The following EYA4 variants were observed in gnomAD, a reference collection of about 807,000 sequenced individuals.
The protein encoded by EYA4 is protein phosphatase EYA4.
Under a neutral mutation model 87.9 loss-of-function variants are expected in EYA4, and 31 were observed. The observed-to-expected ratio is 0.35, with a 90% confidence interval of 0.27 to 0.48. The LOEUF is 0.48. Among genes scored for constraint, EYA4 ranks in the 20% least tolerant of loss-of-function variants. The pLI is 0.99. For missense variants in EYA4, 678 were observed against 761.4 expected (o/e 0.89, Z 1.29); for synonymous variants, 263 against 270.6 (o/e 0.97, Z 0.28).
At chr6:133,434,450 A>G (rs916563987) in intron 3 of EYA4, among the ~76,000 whole-genome samples, 74 of 152,330 alleles carry the variant, frequency 4.9e-4, no homozygotes, top group African/African-American at 1.6e-3. Context: ...TGAAGGATGC[A>G]CTGTAGGCCA....
At chr6:133,446,852 A>C (rs1792894733) in intron 4 of EYA4, 98 bp downstream of exon 4, 2 of 1,123,650 alleles carry the variant, frequency 1.8e-6, no homozygotes, top group Admixed American at 1.8e-5. Flanking sequence ...TCTTATTATC[A>C]ATAACACAAA....
At chr6:133,274,693 T>A (rs369863452) in intron 1 of EYA4, 23 bp from the exon 2 acceptor site, 20 of 1,105,612 alleles carry the variant, frequency 1.8e-5, no homozygotes, top group Middle Eastern at 2.0e-4. Context: ...TTTTTCCCCT[T>A]TGTTTCCATC....
intron 2 of EYA4, among the ~76,000 whole-genome samples, chr6:133,294,155 T>A (rs1778760194): frequency 6.7e-6 from 1 of 148,374 alleles, no homozygotes; most frequent in Non-Finnish European, 1.5e-5. Context: ...GTGATGATGA[T>A]CATCATCTCA....
chr6:133,285,665 TA>T (rs1176599078), intron 2 of EYA4, among the ~76,000 whole-genome samples: 1 of 152,144 alleles, frequency 6.6e-6, no homozygotes, highest in East Asian at 1.9e-4. Context: ...ATTTTGAAAA[TA>T]GACTATGATG....
In EYA4 at chr6:133,448,113, G is replaced by GA; in HGVS notation, c.215dup (p.Asn72LysfsTer36). 1.9e-6 allele frequency: 3 copies of GA among 1,611,386 alleles called. No individual in the cohort carries two copies. The highest frequency in any genetic ancestry group is 2.5e-6 in the Non-Finnish European group (3 of 1,177,488). On this transcript the variant is annotated frameshift_variant, in exon 5 of 20. Coordinates refer to ENST00000355286, the MANE Select transcript of EYA4 (RefSeq NM_004100.5). LOFTEE classifies it high-confidence loss of function. ...TTTTATACTGTTCCTGTTCTCAGGGGAAAACATGACTGTTTTAAACACAGC... is the reference window on the plus strand; with the variant it reads ...TTTTATACTGTTCCTGTTCTCAGGGGAAAAACATGACTGTTTTAAACACAGC...
rs549378321 is a variant in EYA4 at position 133,372,673 on chromosome 6, T to C, written c.34-9719T>C. Reference sequence around the variant, plus strand: ...TAAATGTTGCTATTTTAATGGAAGATCAAGAAGATAAAATCTGTAAAATTC... The same window carrying C: ...TAAATGTTGCTATTTTAATGGAAGACCAAGAAGATAAAATCTGTAAAATTC... On this transcript the variant is annotated intron_variant, in intron 2 of 19. Transcript: ENST00000355286. Among the ~76,000 whole-genome samples the C allele has an allele frequency of 8.6e-5, 13 of 151,826 alleles. No individual in the cohort carries two copies. In the South Asian group the frequency reaches 2.7e-3, roughly 31 times the overall value.
intron 1 of EYA4, among the ~76,000 whole-genome samples, chr6:133,272,064 A>G (rs942448167): frequency 6.6e-6 from 1 of 152,216 alleles, no homozygotes; most frequent in Non-Finnish European, 1.5e-5. Context: ...ACATCTGGGC[A>G]TTTCTCCTTC....
At chr6:133,277,374 T>C (rs1203001790) in intron 2 of EYA4, among the ~76,000 whole-genome samples, 1 of 152,234 alleles carries the variant, frequency 6.6e-6, no homozygotes, top group African/African-American at 2.4e-5. Context: ...TAATGGATTT[T>C]GCATGATACA....
intron 3 of EYA4, among the ~76,000 whole-genome samples, chr6:133,416,417 CT>C (rs1789717155): frequency 6.6e-6 from 1 of 151,984 alleles, no homozygotes; most frequent in Non-Finnish European, 1.5e-5. Context: ...ATTTTTTTTC[CT>C]GAAGTCAATT....
intron 13 of EYA4, among the ~76,000 whole-genome samples, chr6:133,501,949 T>C (rs1369096328): frequency 2.0e-5 from 3 of 152,202 alleles, no homozygotes; most frequent in Admixed American, 6.5e-5. Flanking sequence ...AGAGAACTGC[T>C]GTACTGGATC....
chr6:133,252,549 T>C lies in EYA4; in HGVS notation c.-66+10800T>C, dbSNP rs111855734. On this transcript the variant is annotated intron_variant, in intron 1 of 19. Coordinates refer to ENST00000355286, the MANE Select transcript of EYA4 (RefSeq NM_004100.5). The stretch of plus-strand genomic sequence containing the variant: ...TGATGTAAGTAAATTTGACTGTTGT[T>C]TGGGCACCACCCTTACATAATTTAA... Among the ~76,000 whole-genome samples the C allele has an allele frequency of 1.0e-3, 158 of 152,290 alleles. 1 individual carries two copies. The highest frequency in any genetic ancestry group is 3.6e-3 in the African/African-American group (150 of 41,570).
chr6:133,425,718 G>T (rs1050767102), intron 3 of EYA4, among the ~76,000 whole-genome samples: 1 of 150,526 alleles, frequency 6.6e-6, no homozygotes, highest in African/African-American at 2.5e-5. Flanking sequence ...CTATCTCTTA[G>T]CTCAGCACTT....
At chr6:133,513,751 A>G (rs1211630680) in intron 16 of EYA4, among the ~76,000 whole-genome samples, 4 of 152,160 alleles carry the variant, frequency 2.6e-5, no homozygotes, top group African/African-American at 9.7e-5. Flanking sequence ...TAGGTAAACA[A>G]GATTCCTAAA....
chr6:133,242,845 A>T (rs79678771), intron 1 of EYA4, among the ~76,000 whole-genome samples: 1 of 151,994 alleles, frequency 6.6e-6, no homozygotes, highest in African/African-American at 2.4e-5. Context: ...TCTCCTTCCT[A>T]TGAAGACAAC....
chr6:133,482,939 A>G lies in EYA4; in HGVS notation c.1108-93A>G, dbSNP rs1796344019. ...TTATTTTCTATTAAATGATATCAAG[A>G]TGATCTCTAGGAAGGGAGACATTTT... is the stretch of plus-strand genomic sequence containing the variant. On this transcript the variant is annotated intron_variant, in intron 12 of 19. Coordinates refer to ENST00000355286, the MANE Select transcript of EYA4 (RefSeq NM_004100.5). 3.9e-6 allele frequency: 4 copies of G among 1,034,392 alleles called. No homozygotes were observed. The Middle Eastern group carries it at 6.1e-4, about 159-fold the overall frequency. 64.1% of individuals were successfully genotyped at this position (1,034,392 alleles called of 1,614,324 possible).
intron 3 of EYA4, among the ~76,000 whole-genome samples, chr6:133,440,823 A>G (rs557569641): frequency 1.3e-5 from 2 of 152,306 alleles, no homozygotes; most frequent in East Asian, 1.9e-4. Flanking sequence ...TTGGGACAGG[A>G]TAGTACTGAT....
Position 133,469,199 on chromosome 6 carries a change from C to T in EYA4, c.970+468C>T, listed in dbSNP as rs1248059972. Among the ~76,000 whole-genome samples the T allele has an allele frequency of 2.6e-5, 4 of 152,030 alleles. No homozygotes were observed. In the East Asian group the frequency reaches 7.7e-4, roughly 29 times the overall value. The stretch of plus-strand genomic sequence containing the variant: ...GTGTGATCAGTGTGTATTTAAAATC[C>T]ATTGTGTGTTTCATTATCTGAAACT... On this transcript the variant is annotated intron_variant, in intron 11 of 19. Coordinates refer to ENST00000355286, the MANE Select transcript of EYA4 (RefSeq NM_004100.5).
chr6:133,387,502 A>G (rs968994319), intron 3 of EYA4, among the ~76,000 whole-genome samples: 7 of 152,164 alleles, frequency 4.6e-5, no homozygotes, highest in African/African-American at 1.7e-4. Context: ...AATTCTCTCA[A>G]TAACATGATC....
At chr6:133,284,657 G>A (rs1056048294) in intron 2 of EYA4, among the ~76,000 whole-genome samples, 9 of 152,130 alleles carry the variant, frequency 5.9e-5, no homozygotes, top group Admixed American at 5.9e-4. Context: ...TTTTAGTTTA[G>A]CATAAGATTA....
Sources: gnomAD v4.1 joint callset for allele counts (sites outside exome capture counted in the v4.1 genomes callset) on GRCh38, gnomAD v4.1.1 for gene constraint, MANE v1.5 for transcripts, NCBI Gene and HGNC (gene_info 2026-07-23, HGNC 2026-07-21) for gene names.